The following AKAP6 variants were observed in gnomAD, a reference collection of about 807,000 sequenced individuals.
AKAP6 encodes the protein A-kinase anchoring protein 6, also known as A-kinase anchor protein 6.
A neutral mutation model predicts 188.5 loss-of-function variants in AKAP6; 58 were observed. The observed-to-expected ratio is 0.31, with a 90% CI of 0.25 to 0.38. AKAP6 has a LOEUF of 0.38. AKAP6 is among the 10% of genes least tolerant of loss of function. The pLI is 1.00. For synonymous variants in AKAP6, 989 were observed against 998.6 expected, an observed-to-expected ratio of 0.99 and a Z score of 0.18; for missense variants, 2,710 against 2,740.0, an observed-to-expected ratio of 0.99 and a Z score of 0.24.
chr14:32,598,721 G>A (rs144245005), intron 5 of AKAP6, among the ~76,000 whole-genome samples: 3 of 152,222 alleles, frequency 2.0e-5, no homozygotes, highest in African/African-American at 7.2e-5. Context: ...CATTAGGGAA[G>A]GCACCCTGAA....
chr14:32,404,691 G>GATAGATAGATATATATATATATATATAT lies in AKAP6; in HGVS notation c.-34-28766_-34-28765insGATAGATATATATATATATATATATATA. On this transcript the variant is annotated intron_variant, in intron 1 of 13. Coordinates refer to ENST00000280979, the MANE Select transcript of AKAP6 (RefSeq NM_004274.5). Reference sequence around the variant, plus strand: ...AGAGTGGGGTTATGAGGAGTCAGGAGATATATATATATATATATATTAGTC... The same window carrying GATAGATAGATATATATATATATATATAT: ...AGAGTGGGGTTATGAGGAGTCAGGAGATAGATAGATATATATATATATATATATATATATATATATATATATATTAGTC... Among the ~76,000 whole-genome samples, 229 of 44,436 alleles carry GATAGATAGATATATATATATATATATAT rather than the reference G, an allele frequency of 5.2e-3. 20 individuals carry two copies. Among genetic ancestry groups the GATAGATAGATATATATATATATATATAT allele is most frequent in the Admixed American group, 7.7e-3 (26 of 3,396 alleles). 29.2% of individuals were successfully genotyped at this position (44,436 alleles called of 152,430 possible). A position where few individuals can be genotyped will look rare whatever the true frequency, so the allele number is the denominator to read the frequency against.
chr14:32,433,459 G>T lies in AKAP6; in HGVS notation c.-34-1G>T, dbSNP rs1890281215. On this transcript the variant is annotated splice_acceptor_variant, in intron 1 of 13. Transcript: ENST00000280979. LOFTEE classifies it low-confidence loss of function (5UTR_SPLICE). ...CTTTCTTCTTTCCTCTTGCCTTTCA[G>T]CTGTTTTGGAAAGAAGTGAGGTTTA... The T allele has an allele frequency of 6.3e-7, 1 of 1,577,244 alleles. No homozygotes were observed. Among genetic ancestry groups the T allele is most frequent in the South Asian group, 1.1e-5 (1 of 88,408 alleles).
chr14:32,383,526 A>G (rs1888436064), intron 1 of AKAP6, among the ~76,000 whole-genome samples: 1 of 152,212 alleles, frequency 6.6e-6, no homozygotes, highest in Admixed American at 6.5e-5. Context: ...TGCTTGCCTT[A>G]GTGACATTAC....
At chr14:32,522,456 A>G (rs1365508928) in intron 2 of AKAP6, among the ~76,000 whole-genome samples, 1 of 152,046 alleles carries the variant, frequency 6.6e-6, no homozygotes, top group Non-Finnish European at 1.5e-5. Flanking sequence ...AAGGGCTAAT[A>G]TCCAGAATCT....
intron 1 of AKAP6, among the ~76,000 whole-genome samples, chr14:32,410,437 A>G (rs1320650332): frequency 6.6e-6 from 1 of 152,094 alleles, no homozygotes; most frequent in African/African-American, 2.4e-5. Flanking sequence ...TTCCAAACCA[A>G]TGTACATCTT....
In AKAP6 at chr14:32,568,014, A is replaced by G. The variant is rs1884280747; in HGVS notation, c.2347-9106A>G. ...GGAGGGGCTGGAGAAGAGGAAAGAG[A>G]AAAAAGAGGCAAAACAACAATAGTC... is the stretch of plus-strand genomic sequence containing the variant. On this transcript the variant is annotated intron_variant, in intron 4 of 13. Coordinates refer to ENST00000280979, the MANE Select transcript of AKAP6 (RefSeq NM_004274.5). The surrounding 1 kb of genome is among the most constrained non-coding windows in gnomAD (Gnocchi z 6.2). Among the ~76,000 whole-genome samples the G allele has an allele frequency of 6.6e-6, 1 of 152,114 alleles. No individual in the cohort carries two copies. Among genetic ancestry groups the G allele is most frequent in the Non-Finnish European group, 1.5e-5 (1 of 68,012 alleles).
At chr14:32,575,771 G>A (rs1201929145) in intron 4 of AKAP6, among the ~76,000 whole-genome samples, 2 of 152,084 alleles carry the variant, frequency 1.3e-5, no homozygotes, top group African/African-American at 4.8e-5. Flanking sequence ...GTATGAATAT[G>A]GGAAACCATA....
intron 4 of AKAP6, among the ~76,000 whole-genome samples, chr14:32,548,092 GC>G (rs1414773568): frequency 8.2e-6 from 1 of 122,264 alleles, no homozygotes; most frequent in Non-Finnish European, 1.6e-5. Flanking sequence ...TCTCCCACAT[GC>G]TTTTTTTTTT....
At position 32,830,471 on chromosome 14, in the gene AKAP6, A is replaced by G. The variant is rs2034799411; in HGVS notation, c.*666A>G. The G allele has an allele frequency of 6.5e-6, 1 of 152,720 alleles. No individual in the cohort carries two copies. Among genetic ancestry groups the G allele is most frequent in the African/African-American group, 2.4e-5 (1 of 41,446 alleles). The allele number at this position is 152,720 out of a possible 1,614,324, so 9.5% of individuals were successfully genotyped here. ...TATTATAAACTGGTGACATTCTACT[A>G]TTGAATTATGTACAACATTTTCATT... On this transcript the variant is annotated 3_prime_UTR_variant, in exon 14 of 14. Transcript: ENST00000280979.
At chr14:32,355,827 T>A (rs1006826047) in intron 1 of AKAP6, among the ~76,000 whole-genome samples, 2 of 152,038 alleles carry the variant, frequency 1.3e-5, no homozygotes, top group Non-Finnish European at 2.9e-5. Flanking sequence ...TAGGCTGAAG[T>A]CCAGTGATGT....
chr14:32,616,653 G>A (rs1886593386), intron 7 of AKAP6, among the ~76,000 whole-genome samples: 1 of 152,084 alleles, frequency 6.6e-6, no homozygotes, highest in African/African-American at 2.4e-5. Flanking sequence ...TGGGTACAAG[G>A]TTTAGCATCT....
At chr14:32,528,964 C>T (rs140922474) in intron 2 of AKAP6, among the ~76,000 whole-genome samples, 197 of 152,264 alleles carry the variant, frequency 1.3e-3, no homozygotes, top group African/African-American at 4.4e-3. Context: ...AGGTGTGAGC[C>T]ACCGTGCCGA....
At chr14:32,801,670 A>AT (rs1394856865) in intron 12 of AKAP6, among the ~76,000 whole-genome samples, 3 of 152,080 alleles carry the variant, frequency 2.0e-5, no homozygotes, top group East Asian at 1.9e-4. Flanking sequence ...TATTTTTAAT[A>AT]TTTTTTGTAG....
intron 7 of AKAP6, among the ~76,000 whole-genome samples, chr14:32,659,841 T>C (rs912114072): frequency 6.6e-6 from 1 of 152,128 alleles, no homozygotes; most frequent in African/African-American, 2.4e-5. Flanking sequence ...TTGACTCTGA[T>C]AACTTACCAT....
At chr14:32,741,573 G>A (rs941414325) in intron 11 of AKAP6, among the ~76,000 whole-genome samples, 4 of 151,740 alleles carry the variant, frequency 2.6e-5, no homozygotes, top group Non-Finnish European at 5.9e-5. Flanking sequence ...TACCATGTAG[G>A]GATGTTGAAT....
chr14:32,558,133 C>G (rs1431233002), intron 4 of AKAP6, among the ~76,000 whole-genome samples: 1 of 152,114 alleles, frequency 6.6e-6, no homozygotes, highest in Non-Finnish European at 1.5e-5. Flanking sequence ...TGGGTAGGTT[C>G]AGTTTTGTAA....
At chr14:32,723,303 G>A (rs1013325565) in intron 9 of AKAP6, among the ~76,000 whole-genome samples, 5 of 152,156 alleles carry the variant, frequency 3.3e-5, no homozygotes, top group African/African-American at 1.2e-4. Context: ...AGTGGGGGTA[G>A]TGGGGTGAAA....
In AKAP6 at chr14:32,382,443, A is replaced by G. The variant is rs537599992; in HGVS notation, c.-34-51017A>G. 2.0e-5 allele frequency among the ~76,000 whole-genome samples: 3 copies of G among 152,282 alleles called. No individual in the cohort carries two copies. The South Asian group carries it at 6.2e-4, about 32-fold the overall frequency. On this transcript the variant is annotated intron_variant, in intron 1 of 13. Transcript: ENST00000280979. Reference sequence around the variant, plus strand: ...CCTTGTCTATCATTTGAAGATAATAATGATTTCTACTGCATAGGGTTATAA... The same window carrying G: ...CCTTGTCTATCATTTGAAGATAATAGTGATTTCTACTGCATAGGGTTATAA...
intron 12 of AKAP6, among the ~76,000 whole-genome samples, chr14:32,799,111 A>C (rs185074373): frequency 1.3e-5 from 2 of 152,304 alleles, no homozygotes; most frequent in East Asian, 3.9e-4. Flanking sequence ...CATATGAACA[A>C]ATGACAGAGA....
Sources: allele counts gnomAD v4.1 joint callset (sites outside exome capture counted in the v4.1 genomes callset), GRCh38; gene constraint gnomAD v4.1.1; non-coding constraint Gnocchi (gnomAD v3.1); transcripts MANE v1.5; gene names NCBI Gene and HGNC (gene_info 2026-07-23, HGNC 2026-07-21).